ITSN2: variants seen among roughly 807,000 people sequenced by gnomAD.
ITSN2 encodes intersectin 2.
In ITSN2, 156 loss-of-function variants were observed where a neutral mutation model predicts 243.7. The ratio of observed to expected loss-of-function variants is 0.64; its 90% CI spans 0.56 to 0.73. The LOEUF is 0.73. ITSN2 is among the 30% of genes least tolerant of loss of function. ITSN2 has a pLI of 0.00. For synonymous variants in ITSN2, 703 were observed against 699.9 expected (o/e 1.00, Z -0.07); for missense variants, 1,801 against 1,996.1 (o/e 0.90, Z 1.86).
intron 20 of ITSN2, among the ~76,000 whole-genome samples, chr2:24,268,737 G>A (rs750160079): frequency 2.0e-5 from 3 of 149,950 alleles, no homozygotes; most frequent in Non-Finnish European, 4.4e-5. Context: ...ATTTAAACTT[G>A]CTCAAGCTTC....
rs1669322942 is a variant in ITSN2 at position 24,210,135 on chromosome 2, T to C, written c.4258-102A>G. 14 of 770,568 alleles carry C rather than the reference T, an allele frequency of 1.8e-5. No individual in the cohort carries two copies. In the East Asian group the frequency reaches 3.5e-4, roughly 19 times the overall value. 47.7% of individuals were successfully genotyped at this position (770,568 alleles called of 1,614,324 possible). The stretch of plus-strand genomic sequence containing the variant: ...GCCTGAGGATACTGTGGTGGAGTTT[T>C]CTAGGTGGGAATGTGGCTAGAATCA... On this transcript the variant is annotated intron_variant, in intron 34 of 39. Coordinates refer to ENST00000355123, the MANE Select transcript of ITSN2 (RefSeq NM_006277.3).
chr2:24,303,958 G>A (rs1682145896), intron 8 of ITSN2, 96 bp from the exon 9 acceptor site: 2 of 858,698 alleles, frequency 2.3e-6, no homozygotes. Context: ...ATGCTACCAG[G>A]GTATCCTGGG....
rs1275035112 is a variant in ITSN2, at chr2:24,251,309, C to CAAAAAAAAAATTAAA, written c.3120+1035_3120+1036insTTTAATTTTTTTTTT. On this transcript the variant is annotated intron_variant, in intron 25 of 39. Coordinates refer to ENST00000355123, the MANE Select transcript of ITSN2 (RefSeq NM_006277.3). ...TGGGCAACAGAACTAAACTCCATCT[C>CAAAAAAAAAATTAAA]AAAAAAAAAAAAAAATAAAATATAT... 9.1e-5 allele frequency among the ~76,000 whole-genome samples: 2 copies of CAAAAAAAAAATTAAA among 22,016 alleles called. 1 individual carries two copies. The highest frequency in any genetic ancestry group is 5.7e-4 in the African/African-American group (2 of 3,484). 14.4% of individuals were successfully genotyped at this position (22,016 alleles called of 152,430 possible).
rs1675796623 is a variant in ITSN2 at position 24,261,156 on chromosome 2, C to G, written c.2632G>C (p.Ala878Pro). The change falls in exon 22 of 40, where the codon GCC becomes CCC. Residue 878 changes from alanine (A) to proline (P), a missense_variant. By Grantham distance (27) the Ala-to-Pro change is conservative (BLOSUM62 -1). Around this residue, in one of 5 missense-constraint regions of ITSN2, gnomAD observed 928 missense variants for 1,065.4 expected, o/e 0.87. Transcript: ENST00000355123. Reference sequence around the variant, plus strand: ...CCAGGGGACACAGTTCGAGTGAAGGCTGATTTTTTCTGCCATGATGTATTT... The same window carrying G: ...CCAGGGGACACAGTTCGAGTGAAGGGTGATTTTTTCTGCCATGATGTATTT... ...TVNTSWQKKS[A>P]FTRTVSPGSV... 6.2e-7 allele frequency: 1 copy of G among 1,613,598 alleles called. No individual in the cohort carries two copies. The highest frequency in any genetic ancestry group is 1.3e-5 in the African/African-American group (1 of 74,894).
intron 1 of ITSN2, among the ~76,000 whole-genome samples, chr2:24,353,928 TATG>T (rs1553402002): frequency 2.6e-5 from 4 of 152,222 alleles, no homozygotes; most frequent in Non-Finnish European, 4.4e-5. Context: ...ATCAAATTCA[TATG>T]ATATGTGAAT....
At chr2:24,316,701 A>G (rs1201577331) in intron 2 of ITSN2, among the ~76,000 whole-genome samples, 4 of 152,258 alleles carry the variant, frequency 2.6e-5, no homozygotes, top group Non-Finnish European at 5.9e-5. Flanking sequence ...TGACACAACC[A>G]TAGTACATTT....
chr2:24,361,142 G>C (rs1289338139), upstream of ITSN2, among the ~76,000 whole-genome samples: 2 of 152,110 alleles, frequency 1.3e-5, no homozygotes, highest in African/African-American at 4.8e-5. Flanking sequence ...CGCCCACGAG[G>C]AGCACCCTCT....
At chr2:24,208,413 C>T in intron 36 of ITSN2, 94 bp from the exon 37 acceptor site, 1 of 893,400 alleles carries the variant, frequency 1.1e-6, no homozygotes, top group Non-Finnish European at 1.8e-6. Flanking sequence ...CAGTCTTTTG[C>T]TAACCTCAAC....
Position 24,286,428 on chromosome 2 carries a change from T to A in ITSN2, c.1724-77A>T. 2.3e-6 allele frequency: 3 copies of A among 1,279,116 alleles called. No homozygotes were observed. In the Admixed American group the frequency reaches 5.3e-5, roughly 23 times the overall value. 79.2% of individuals were successfully genotyped at this position (1,279,116 alleles called of 1,614,324 possible). On this transcript the variant is annotated intron_variant, in intron 15 of 39. Coordinates refer to ENST00000355123, the MANE Select transcript of ITSN2 (RefSeq NM_006277.3). ...TACCAGCATGTCATTTACTGTTTGG[T>A]CAGATTGATGTAACTAGACCAATAC...
At chr2:24,358,799 T>G (rs368853905) in intron 1 of ITSN2, among the ~76,000 whole-genome samples, 17 of 152,330 alleles carry the variant, frequency 1.1e-4, no homozygotes, top group African/African-American at 4.1e-4. Context: ...CCTCCTCATA[T>G]TCAGGAGAGA....
At chr2:24,266,983 T>C (rs1278461272) in intron 20 of ITSN2, among the ~76,000 whole-genome samples, 4 of 151,902 alleles carry the variant, frequency 2.6e-5, no homozygotes, top group African/African-American at 7.3e-5. Flanking sequence ...CAGAGCAATA[T>C]AAATTCAGAC....
chr2:24,215,882 A>G (rs1251400854), intron 32 of ITSN2, among the ~76,000 whole-genome samples, 167 bp downstream of exon 32: 1 of 152,146 alleles, frequency 6.6e-6, no homozygotes, highest in Non-Finnish European at 1.5e-5. Context: ...TCAGGTCTAC[A>G]TAAAGGCAAC....
At chr2:24,298,489 G>A (rs976109270) in intron 13 of ITSN2, among the ~76,000 whole-genome samples, 176 bp downstream of exon 13, 1 of 151,860 alleles carries the variant, frequency 6.6e-6, no homozygotes, top group African/African-American at 2.4e-5. Flanking sequence ...TAGAGATGGG[G>A]TTTCACCATG....
chr2:24,208,429 C>CT, intron 36 of ITSN2, 110 bp from the exon 37 acceptor site: 2 of 794,408 alleles, frequency 2.5e-6, no homozygotes, highest in Non-Finnish European at 4.2e-6. Flanking sequence ...TCAACTTTCA[C>CT]AAGTTTCCTA....
intron 29 of ITSN2, among the ~76,000 whole-genome samples, chr2:24,230,905 C>T (rs1220261730): frequency 3.3e-5 from 5 of 152,176 alleles, no homozygotes; most frequent in South Asian, 2.1e-4. Context: ...CCCAGACCCT[C>T]GCTTCCTCCT....
chr2:24,216,772 T>C (rs933224647), intron 31 of ITSN2, among the ~76,000 whole-genome samples: 68 of 150,342 alleles, frequency 4.5e-4, no homozygotes, highest in African/African-American at 1.6e-3. Flanking sequence ...ATAATAAAAA[T>C]AAAAATAAAT....
Position 24,238,586 on chromosome 2 carries a change from G to GT in ITSN2, c.3577+7542dup, listed in dbSNP as rs553419842. ...CTACATTTGCAATGAGTATTAATTT[G>GT]TAAGTTCCATCCAATCTTTTTAGAA... On this transcript the variant is annotated intron_variant, in intron 29 of 39. Transcript: ENST00000355123. Among the ~76,000 whole-genome samples, 738 of 152,188 alleles carry GT rather than the reference G, an allele frequency of 4.8e-3. 3 individuals carry two copies. Among genetic ancestry groups the GT allele is most frequent in the Admixed American group, 0.011 (169 of 15,282 alleles).
chr2:24,279,549 AAAG>A (rs941535422), intron 17 of ITSN2, among the ~76,000 whole-genome samples: 1 of 152,214 alleles, frequency 6.6e-6, no homozygotes. Flanking sequence ...AAGACTTTGC[AAAG>A]AAGACAGGCA....
chr2:24,308,479 T>C (rs1452493617), intron 8 of ITSN2, 138 bp downstream of exon 8: 2 of 491,526 alleles, frequency 4.1e-6, no homozygotes. Flanking sequence ...GGTATTTGTA[T>C]TTATCAAATG....
Sources: gnomAD v4.1 joint callset for allele counts (sites outside exome capture counted in the v4.1 genomes callset) on GRCh38, gnomAD v4.1.1 for gene constraint, gnomAD v4.1.1 regional missense constraint, MANE v1.5 for transcripts, NCBI Gene and HGNC (gene_info 2026-07-23, HGNC 2026-07-21) for gene names.